The following PPM1E variants were observed in gnomAD, a reference collection of about 807,000 sequenced individuals.
The protein encoded by PPM1E is protein phosphatase, Mg2+/Mn2+ dependent 1E.
A neutral mutation model predicts 65.9 loss-of-function variants in PPM1E; 20 were observed. The observed-to-expected ratio is 0.30, with a 90% CI of 0.21 to 0.44. The LOEUF is 0.44. Among genes scored for constraint, PPM1E ranks in the 20% least tolerant of loss-of-function variants. The probability of loss-of-function intolerance (pLI) is 1.00; values close to 1 mark genes in which losing one functional copy is unlikely to be tolerated. For synonymous variants in PPM1E, 352 were observed against 374.9 expected (o/e 0.94, Z 0.70); for missense variants, 713 against 953.1 (o/e 0.75, Z 3.32).
chr17:58,864,982 A>G (rs1020911106), intron 1 of PPM1E, among the ~76,000 whole-genome samples: 1 of 152,192 alleles, frequency 6.6e-6, no homozygotes. Context: ...TGCAAAATAA[A>G]TTCCAGATTC....
chr17:58,881,057 T>TA (rs1319700819), intron 1 of PPM1E, among the ~76,000 whole-genome samples: 1 of 152,224 alleles, frequency 6.6e-6, no homozygotes, highest in East Asian at 1.9e-4. Context: ...TTGTTTTGTT[T>TA]AGTCTTGCTT....
intron 3 of PPM1E, among the ~76,000 whole-genome samples, chr17:58,968,671 C>T (rs765351432): frequency 9.9e-5 from 15 of 152,150 alleles, no homozygotes; most frequent in Non-Finnish European, 1.9e-4. Flanking sequence ...GGACTCAGTG[C>T]GAGTTCAGTG....
intron 1 of PPM1E, among the ~76,000 whole-genome samples, chr17:58,774,730 T>C (rs1466855173): frequency 2.0e-5 from 3 of 152,204 alleles, no homozygotes; most frequent in Non-Finnish European, 4.4e-5. Context: ...GTATGTTTTA[T>C]CTGTGATTTT....
In PPM1E at chr17:58,756,303, G is replaced by A; in HGVS notation, c.306G>A (p.Ala102=). ...AGGGTGAGGAGGAGGAGGAGGGCGC[G>A]GCGACGGCGGCGGCAGCCCCGGGGC... ...AVEGEEEEEG[A]ATAAAAPGHS... The change falls in exon 1 of 7, where the codon GCG becomes GCA. Residue 102 remains alanine (A), a synonymous_variant. Coordinates refer to ENST00000308249, the MANE Select transcript of PPM1E (RefSeq NM_014906.5). 6.6e-7 allele frequency: 1 copy of A among 1,512,164 alleles called. No individual in the cohort carries two copies. Among genetic ancestry groups the A allele is most frequent in the Non-Finnish European group, 8.8e-7 (1 of 1,130,964 alleles). The allele number at this position is 1,512,164 out of a possible 1,614,324, so 93.7% of individuals were successfully genotyped here. A position where few individuals can be genotyped will look rare whatever the true frequency, so the allele number is the denominator to read the frequency against.
chr17:58,974,450 C>T (rs1028754963), intron 6 of PPM1E, among the ~76,000 whole-genome samples: 7 of 152,076 alleles, frequency 4.6e-5, no homozygotes, highest in African/African-American at 1.4e-4. Context: ...CGGTCTAAAA[C>T]GTAGAGATTA....
At chr17:58,929,003 C>T (rs532432561) in intron 1 of PPM1E, among the ~76,000 whole-genome samples, 22 of 152,086 alleles carry the variant, frequency 1.4e-4, no homozygotes, top group Admixed American at 7.2e-4. Context: ...TGCGCCCGGC[C>T]GAACACATGA....
At position 58,882,605 on chromosome 17, in the gene PPM1E, G is replaced by C. The variant is rs553014479; in HGVS notation, c.465-73044G>C. On this transcript the variant is annotated intron_variant, in intron 1 of 6. Coordinates refer to ENST00000308249, the MANE Select transcript of PPM1E (RefSeq NM_014906.5). Reference sequence around the variant, plus strand: ...AGGGTTTCACCATGTTGGCCAGGCTGGTCTCAAACTCCTGACCTCAAGTGA... The same window carrying C: ...AGGGTTTCACCATGTTGGCCAGGCTCGTCTCAAACTCCTGACCTCAAGTGA... Among the ~76,000 whole-genome samples the C allele has an allele frequency of 5.9e-5, 9 of 152,134 alleles. No individual in the cohort carries two copies. The South Asian group carries it at 1.9e-3, about 32-fold the overall frequency.
At chr17:58,939,035 A>C (rs2052024510) in intron 1 of PPM1E, among the ~76,000 whole-genome samples, 1 of 151,826 alleles carries the variant, frequency 6.6e-6, no homozygotes, top group South Asian at 2.1e-4. Flanking sequence ...TAATCCACCC[A>C]CCTCAGCCTC....
chr17:58,938,102 G>A (rs949333565), intron 1 of PPM1E, among the ~76,000 whole-genome samples: 3 of 152,108 alleles, frequency 2.0e-5, no homozygotes, highest in African/African-American at 2.4e-5. Flanking sequence ...ACTGGACTAT[G>A]TGAAAACCTT....
chr17:58,972,486 G>A (rs2030702818), intron 5 of PPM1E, among the ~76,000 whole-genome samples: 1 of 152,126 alleles, frequency 6.6e-6, no homozygotes, highest in Non-Finnish European at 1.5e-5. Flanking sequence ...GAGTAGCTGG[G>A]ATTACAGGCA....
At chr17:58,824,792 T>C (rs1341149903) in intron 1 of PPM1E, among the ~76,000 whole-genome samples, 1 of 149,764 alleles carries the variant, frequency 6.7e-6, no homozygotes, top group Non-Finnish European at 1.5e-5. Context: ...TTTTTTTCAG[T>C]AGTGACAGAG....
chr17:58,804,606 G>T (rs2050288111), intron 1 of PPM1E, among the ~76,000 whole-genome samples: 1 of 152,106 alleles, frequency 6.6e-6, no homozygotes, highest in Non-Finnish European at 1.5e-5. Context: ...AAATGTTAAA[G>T]ATATTCCATC....
At chr17:58,870,653 A>C (rs1167419631) in intron 1 of PPM1E, among the ~76,000 whole-genome samples, 1 of 152,156 alleles carries the variant, frequency 6.6e-6, no homozygotes, top group Non-Finnish European at 1.5e-5. Flanking sequence ...ATGCAGAGAA[A>C]CTAGTTTAGG....
intron 1 of PPM1E, among the ~76,000 whole-genome samples, chr17:58,948,419 C>T (rs2052192097): frequency 6.6e-6 from 1 of 151,912 alleles, no homozygotes; most frequent in African/African-American, 2.4e-5. Context: ...TTCATTGAGG[C>T]CAAGACCATG....
chr17:58,827,932 T>C (rs1040478726), intron 1 of PPM1E, among the ~76,000 whole-genome samples: 10 of 143,518 alleles, frequency 7.0e-5, no homozygotes, highest in Middle Eastern at 3.8e-3. Flanking sequence ...ATAATAATAA[T>C]AATTGGCCAG....
At chr17:58,918,357 C>T (rs1305095277) in intron 1 of PPM1E, among the ~76,000 whole-genome samples, 1 of 152,036 alleles carries the variant, frequency 6.6e-6, no homozygotes, top group Non-Finnish European at 1.5e-5. Flanking sequence ...TATCAGGTAG[C>T]GATTACTTAG....
Position 58,982,967 on chromosome 17 carries a change from A to G in PPM1E, c.*1936A>G. On this transcript the variant is annotated 3_prime_UTR_variant, in exon 7 of 7. Coordinates refer to ENST00000308249, the MANE Select transcript of PPM1E (RefSeq NM_014906.5). Reference sequence around the variant, plus strand: ...AGGCAGCAGACTATTGGTACACATTATAGTCCAAAGTGCTTAGCGAAGTAA... The same window carrying G: ...AGGCAGCAGACTATTGGTACACATTGTAGTCCAAAGTGCTTAGCGAAGTAA... The G allele has an allele frequency of 1.3e-6, 2 of 1,541,278 alleles. No individual in the cohort carries two copies. Among genetic ancestry groups the G allele is most frequent in the Non-Finnish European group, 1.8e-6 (2 of 1,134,074 alleles).
chr17:58,777,718 C>G (rs1420728709), intron 1 of PPM1E, among the ~76,000 whole-genome samples: 2 of 152,080 alleles, frequency 1.3e-5, no homozygotes, highest in Admixed American at 1.3e-4. Flanking sequence ...CAGAATTTTA[C>G]CTTACTACAC....
intron 1 of PPM1E, among the ~76,000 whole-genome samples, chr17:58,927,333 G>A (rs977806754): frequency 5.9e-5 from 9 of 151,560 alleles, no homozygotes; most frequent in Non-Finnish European, 1.2e-4. Context: ...GGATTTCACC[G>A]TGTCAGTCAG....
Sources: gnomAD v4.1 joint callset for allele counts (sites outside exome capture counted in the v4.1 genomes callset) on GRCh38, gnomAD v4.1.1 for gene constraint, MANE v1.5 for transcripts, NCBI Gene and HGNC (gene_info 2026-07-23, HGNC 2026-07-21) for gene names.